Variants in SEC24B observed in about 807,000 individuals in gnomAD.
The protein encoded by SEC24B is SEC24 homolog B, COPII component.
A neutral mutation model predicts 142.8 loss-of-function variants in SEC24B; 45 were observed. That is an observed-to-expected ratio of 0.32 (90% CI 0.25 to 0.40). The LOEUF (loss-of-function observed/expected upper bound fraction) is 0.40, where lower values mean the gene tolerates loss of function less well. SEC24B is among the 10% of genes least tolerant of loss of function. The probability of loss-of-function intolerance (pLI) is 1.00; values close to 1 mark genes in which losing one functional copy is unlikely to be tolerated. For missense variants in SEC24B, 1,409 were observed against 1,526.8 expected, an observed-to-expected ratio of 0.92 and a Z score of 1.29; for synonymous variants, 574 against 568.2, an observed-to-expected ratio of 1.01 and a Z score of -0.15.
chr4:109,494,559 A>C, intron 5 of SEC24B, 56 bp from the exon 6 acceptor site: 1 of 1,604,832 alleles, frequency 6.2e-7, no homozygotes, highest in Non-Finnish European at 8.5e-7. Context: ...TCAGGAGTCC[A>C]GTCTTTGTGG....
intron 1 of SEC24B, among the ~76,000 whole-genome samples, chr4:109,445,967 CT>C (rs34601695): frequency 0.035 from 4,604 of 130,780 alleles, 106 homozygotes; most frequent in South Asian, 0.099. Context: ...TTCTAAGATG[CT>C]TTTTTTTTTT....
chr4:109,539,064 C>T (rs887140315), intron 23 of SEC24B, among the ~76,000 whole-genome samples: 2 of 151,984 alleles, frequency 1.3e-5, no homozygotes, highest in African/African-American at 2.4e-5. Context: ...TGGATTCAAG[C>T]GATTCGCCTG....
intron 3 of SEC24B, 31 bp downstream of exon 3, chr4:109,473,217 C>T (rs1301842894): frequency 1.5e-6 from 2 of 1,363,116 alleles, no homozygotes; most frequent in Non-Finnish European, 2.0e-6. Context: ...TGTATATGCA[C>T]ACAGACACAC....
In SEC24B at chr4:109,539,725, A is replaced by G. The variant is rs1725985288; in HGVS notation, c.*50A>G. ...AAGATCTATAACCTAGGTAAAGCATAATCTGTCAGAGAAGCGCGTGAGAAA... is the reference window on the plus strand; with the variant it reads ...AAGATCTATAACCTAGGTAAAGCATGATCTGTCAGAGAAGCGCGTGAGAAA... On this transcript the variant is annotated 3_prime_UTR_variant, in exon 24 of 24. Transcript: ENST00000265175. 8.1e-7 allele frequency: 1 copy of G among 1,240,022 alleles called. No individual in the cohort carries two copies. 76.8% of individuals were successfully genotyped at this position (1,240,022 alleles called of 1,614,324 possible).
Position 109,506,365 on chromosome 4 carries a change from G to A in SEC24B, c.1526G>A (p.Gly509Glu). ...GTGAACCAGCTATCCTCCAGTATAG[G>A]AGGATTGAGTCTTCAGAGTTCTCCA... ...PGVNQLSSSI[G>E]GLSLQSSPQP... The change falls in exon 7 of 24, where the codon GGA becomes GAA. Residue 509 changes from glycine (G) to glutamate (E), a missense_variant. By Grantham distance (98) the Gly-to-Glu change is moderately conservative (BLOSUM62 -2). Transcript: ENST00000265175. 1 of 1,605,818 alleles carries A rather than the reference G, an allele frequency of 6.2e-7. No homozygotes were observed. The highest frequency in any genetic ancestry group is 1.1e-5 in the South Asian group (1 of 89,512).
chr4:109,495,148 G>A (rs1184606346), intron 6 of SEC24B, among the ~76,000 whole-genome samples: 1 of 152,038 alleles, frequency 6.6e-6, no homozygotes, highest in Non-Finnish European at 1.5e-5. Context: ...ACAATTGCAA[G>A]TATTAATTTT....
intron 1 of SEC24B, among the ~76,000 whole-genome samples, chr4:109,452,290 A>G (rs561718657): frequency 6.6e-6 from 1 of 152,268 alleles, no homozygotes; most frequent in Non-Finnish European, 1.5e-5. Flanking sequence ...ATTCTGTTGT[A>G]TGTGTATACC....
At chr4:109,539,518 G>A (rs1414014319) in intron 23 of SEC24B, 43 bp from the exon 24 acceptor site, 2 of 1,203,250 alleles carry the variant, frequency 1.7e-6, no homozygotes, top group East Asian at 2.3e-5. Context: ...TGAAATCAGG[G>A]CTTTTAAATA....
chr4:109,472,455 A>C (rs1412832839), intron 2 of SEC24B, among the ~76,000 whole-genome samples: 10 of 152,224 alleles, frequency 6.6e-5, no homozygotes, highest in Non-Finnish European at 1.5e-4. Flanking sequence ...GCTCTTACTT[A>C]GTTACATGTG....
chr4:109,538,703 T>C, intron 23 of SEC24B, 107 bp downstream of exon 23: 1 of 654,184 alleles, frequency 1.5e-6, no homozygotes, highest in Non-Finnish European at 2.8e-6. Flanking sequence ...ATTCTGATGG[T>C]AAAATGTTGT....
intron 1 of SEC24B, among the ~76,000 whole-genome samples, chr4:109,443,956 C>T (rs1578753916): frequency 6.6e-6 from 1 of 152,196 alleles, no homozygotes; most frequent in South Asian, 2.1e-4. Context: ...GGTGTGGTGG[C>T]TCATGCCTGT....
chr4:109,487,187 A>G (rs1323235224), intron 4 of SEC24B, among the ~76,000 whole-genome samples: 4 of 151,752 alleles, frequency 2.6e-5, no homozygotes, highest in Admixed American at 6.6e-5. Context: ...AAAAAAAAGA[A>G]AAGTGTATTA....
At position 109,449,130 on chromosome 4, in the gene SEC24B, T is replaced by C. The variant is rs183029615; in HGVS notation, c.134-13771T>C. On this transcript the variant is annotated intron_variant, in intron 1 of 23. Transcript: ENST00000265175. The stretch of plus-strand genomic sequence containing the variant: ...GGGTTTACGTGATACCAGCTTGTTT[T>C]ATTACTGATCATGTTAACCTTGGGC... 1.3e-3 allele frequency among the ~76,000 whole-genome samples: 199 copies of C among 152,348 alleles called. 2 individuals are homozygous for C. The Middle Eastern group carries it at 0.014, about 10-fold the overall frequency.
intron 1 of SEC24B, among the ~76,000 whole-genome samples, chr4:109,452,832 T>C (rs1730245520): frequency 6.6e-6 from 1 of 152,252 alleles, no homozygotes; most frequent in East Asian, 1.9e-4. Context: ...TTCTGTGTTA[T>C]TCTTTTAATT....
chr4:109,461,386 T>C (rs1431477501), intron 1 of SEC24B, among the ~76,000 whole-genome samples: 1 of 152,230 alleles, frequency 6.6e-6, no homozygotes. Flanking sequence ...ATTTGTCTTA[T>C]AGCTTCATCA....
intron 6 of SEC24B, among the ~76,000 whole-genome samples, chr4:109,502,821 ATTATTT>A (rs1201387521): frequency 6.6e-6 from 1 of 152,218 alleles, no homozygotes; most frequent in Non-Finnish European, 1.5e-5. Flanking sequence ...TACCCCAGTA[ATTATTT>A]TGTATAAGCA....
At chr4:109,526,155 A>T in intron 16 of SEC24B, 71 bp from the exon 17 acceptor site, 2 of 1,443,142 alleles carry the variant, frequency 1.4e-6, no homozygotes, top group Non-Finnish European at 1.9e-6. Context: ...TCTTTGACTT[A>T]AAAAAGTAAC....
At chr4:109,481,648 C>T (rs755891302) in intron 3 of SEC24B, 29 bp from the exon 4 acceptor site, 2 of 1,493,826 alleles carry the variant, frequency 1.3e-6, no homozygotes, top group South Asian at 1.2e-5. Context: ...GTTGGTTTGA[C>T]TCTTATGTTT....
chr4:109,511,353 A>G (rs1453619736), intron 8 of SEC24B, among the ~76,000 whole-genome samples: 1 of 152,186 alleles, frequency 6.6e-6, no homozygotes, highest in Non-Finnish European at 1.5e-5. Flanking sequence ...ATTAAATACA[A>G]AGATCAAAAT....
Sources: allele counts gnomAD v4.1 joint callset (sites outside exome capture counted in the v4.1 genomes callset), GRCh38; gene constraint gnomAD v4.1.1; transcripts MANE v1.5; gene names NCBI Gene and HGNC (gene_info 2026-07-23, HGNC 2026-07-21).